Variants in CALD1 observed in about 807,000 individuals in gnomAD.
CALD1 encodes the protein caldesmon.
Under a neutral mutation model 99.9 loss-of-function variants are expected in CALD1, and 33 were observed. That is an observed-to-expected ratio of 0.33 (90% CI 0.25 to 0.44). The LOEUF (loss-of-function observed/expected upper bound fraction) is 0.44, where lower values mean the gene tolerates loss of function less well. CALD1 is among the 20% of genes least tolerant of loss of function. CALD1 has a pLI of 1.00. For missense variants in CALD1, 861 were observed against 962.1 expected (o/e 0.89, Z 1.39); for synonymous variants, 310 against 325.0 (o/e 0.95, Z 0.50).
chr7:134,961,712 T>G (rs1304680860), intron 13 of CALD1: 1 of 152,080 alleles, frequency 6.6e-6, no homozygotes, highest in Non-Finnish European at 1.5e-5. Flanking sequence ...TGGAAAATCT[T>G]TATACATTGA....
chr7:134,860,725 C>T (rs572714021), intron 2 of CALD1, among the ~76,000 whole-genome samples: 1 of 152,192 alleles, frequency 6.6e-6, no homozygotes, highest in East Asian at 1.9e-4. Context: ...CTAAAGAGAA[C>T]AATTGATGAG....
intron 3 of CALD1, among the ~76,000 whole-genome samples, chr7:134,906,477 A>G (rs1002947106): frequency 3.9e-5 from 6 of 152,168 alleles, no homozygotes; most frequent in Non-Finnish European, 7.3e-5. Context: ...ATGAGATGAG[A>G]TGCATCTGCC....
In CALD1 at chr7:134,960,482, A is replaced by C. The variant is rs371101877; in HGVS notation, c.2200-51A>C. ...GAATTTGCTTTGAAAATTCCTTCCC[A>C]GGTAAAGTTTACTTCATTCTTTAAT... On this transcript the variant is annotated intron_variant, in intron 12 of 14. Transcript: ENST00000361675. The C allele has an allele frequency of 7.5e-6, 8 of 1,065,702 alleles. No individual in the cohort carries two copies. The African/African-American group carries it at 9.4e-5, about 13-fold the overall frequency. The allele number at this position is 1,065,702 out of a possible 1,614,324, so 66.0% of individuals were successfully genotyped here.
At chr7:134,841,933 G>C (rs544464893) in intron 1 of CALD1, among the ~76,000 whole-genome samples, 8 of 152,274 alleles carry the variant, frequency 5.3e-5, no homozygotes, top group African/African-American at 1.7e-4. Flanking sequence ...CTTTACATGG[G>C]GGGGCTTCTT....
At chr7:134,858,153 G>A (rs1800399953) in intron 2 of CALD1, among the ~76,000 whole-genome samples, 1 of 151,590 alleles carries the variant, frequency 6.6e-6, no homozygotes, top group East Asian at 1.9e-4. Flanking sequence ...TGTAAAATAT[G>A]GTGATCTCTG....
chr7:134,927,399 A>G (rs1482828691), intron 3 of CALD1, among the ~76,000 whole-genome samples: 2 of 151,564 alleles, frequency 1.3e-5, no homozygotes, highest in East Asian at 1.9e-4. Context: ...AAAAAATACA[A>G]AAGTTAGCTG....
intron 1 of CALD1, among the ~76,000 whole-genome samples, chr7:134,798,319 C>T (rs914024511): frequency 6.6e-5 from 10 of 152,182 alleles, no homozygotes; most frequent in African/African-American, 2.2e-4. Flanking sequence ...CCCTTGAGAC[C>T]GTTAGCAGAT....
At chr7:134,804,162 G>A (rs140021827) in intron 1 of CALD1, among the ~76,000 whole-genome samples, 1 of 152,190 alleles carries the variant, frequency 6.6e-6, no homozygotes, top group Non-Finnish European at 1.5e-5. Context: ...CAATCTCCCC[G>A]TTCAATACGG....
chr7:134,820,096 T>A (rs1798714852), intron 1 of CALD1, among the ~76,000 whole-genome samples: 1 of 152,204 alleles, frequency 6.6e-6, no homozygotes, highest in Admixed American at 6.5e-5. Context: ...TCATGGAAAT[T>A]CAGATCTAAG....
At chr7:134,800,866 CA>C (rs1420957521) in intron 1 of CALD1, among the ~76,000 whole-genome samples, 1 of 151,848 alleles carries the variant, frequency 6.6e-6, no homozygotes, top group Non-Finnish European at 1.5e-5. Context: ...AAGCAATGTC[CA>C]ATTTTTTAAC....
chr7:134,875,044 C>G (rs1801283692), intron 3 of CALD1, among the ~76,000 whole-genome samples: 1 of 152,146 alleles, frequency 6.6e-6, no homozygotes, highest in South Asian at 2.1e-4. Context: ...ATCATCAGAA[C>G]ATTATTTTCC....
At chr7:134,711,676 ATATATGTGTGTGTGTG>A in the CALD1 span, among the ~76,000 whole-genome samples, 3 of 70,432 alleles carry the variant, frequency 4.3e-5, no homozygotes, top group Non-Finnish European at 9.6e-5. Flanking sequence ...ATATATATAT[ATATATGTGTGTGTGTG>A]TGTGTGTGTG....
intron 3 of CALD1, chr7:134,868,023 A>G (rs906534701): frequency 4.2e-5 from 15 of 355,104 alleles, no homozygotes; most frequent in Non-Finnish European, 7.3e-5. Context: ...AGAGGAATCA[A>G]TTGATAACTG....
At chr7:134,922,568 G>A (rs1421771185) in intron 3 of CALD1, among the ~76,000 whole-genome samples, 1 of 152,198 alleles carries the variant, frequency 6.6e-6, no homozygotes, top group Non-Finnish European at 1.5e-5. Context: ...CAGTGTTGCA[G>A]AAGTTTTGAG....
chr7:134,763,247 C>T lies in CALD1; in HGVS notation c.-130+18884C>T, dbSNP rs529151735. 3.9e-5 allele frequency among the ~76,000 whole-genome samples: 6 copies of T among 152,256 alleles called. No homozygotes were observed. In the South Asian group the frequency reaches 1.2e-3, roughly 32 times the overall value. ...TCTAAGGAGATAGATTCCTATAAAA[C>T]ATCAGGAAATATTCAACTAAGCATA... On this transcript the variant is annotated intron_variant, in intron 1 of 13. Coordinates refer to the CALD1 transcript ENST00000417172.
At chr7:134,960,160 G>T (rs771108140) in intron 12 of CALD1, 49 bp downstream of exon 12, 1 of 1,599,080 alleles carries the variant, frequency 6.3e-7, no homozygotes, top group South Asian at 1.1e-5. Flanking sequence ...ATATTTTTTT[G>T]CATGTCGATT....
At chr7:134,848,154 A>T (rs1307068337) in intron 2 of CALD1, among the ~76,000 whole-genome samples, 1 of 151,486 alleles carries the variant, frequency 6.6e-6, no homozygotes, top group African/African-American at 2.4e-5. Flanking sequence ...TCCCAGGCTC[A>T]ACTTAATGCC....
intron 3 of CALD1, among the ~76,000 whole-genome samples, chr7:134,885,331 A>G (rs1163237642): frequency 2.6e-5 from 4 of 152,366 alleles, no homozygotes; most frequent in African/African-American, 9.6e-5. Flanking sequence ...TTATTATATA[A>G]TGTAAATAAT....
chr7:134,744,041 G>T (rs1796613377), upstream of CALD1, among the ~76,000 whole-genome samples: 1 of 152,208 alleles, frequency 6.6e-6, no homozygotes, highest in African/African-American at 2.4e-5. Flanking sequence ...CTGGATGACA[G>T]CGGACCCCTC....
Sources: gnomAD v4.1 joint callset for allele counts (sites outside exome capture counted in the v4.1 genomes callset) on GRCh38, gnomAD v4.1.1 for gene constraint, MANE v1.5 for transcripts, NCBI Gene and HGNC (gene_info 2026-07-23, HGNC 2026-07-21) for gene names.